E2F3: variants seen among roughly 807,000 people sequenced by gnomAD.
The protein encoded by E2F3 is E2F transcription factor 3, also known as transcription factor E2F3.
In E2F3, 11 loss-of-function variants were observed where a neutral mutation model predicts 44.4. The ratio of observed to expected loss-of-function variants is 0.25; its 90% CI spans 0.16 to 0.41. E2F3 has a LOEUF of 0.41. Ranked by LOEUF, E2F3 falls within the 10% of genes least tolerant of loss-of-function variation. The probability of loss-of-function intolerance (pLI) is 1.00; values close to 1 mark genes in which losing one functional copy is unlikely to be tolerated. For synonymous variants in E2F3, 249 were observed against 253.0 expected (o/e 0.98, Z 0.15); for missense variants, 487 against 583.6 (o/e 0.83, Z 1.70).
At chr6:20,455,100 C>G (rs1447209188) in intron 1 of E2F3, among the ~76,000 whole-genome samples, 1 of 152,064 alleles carries the variant, frequency 6.6e-6, no homozygotes, top group Non-Finnish European at 1.5e-5. Context: ...ATAAGAGGGA[C>G]CAAATATCAA....
rs1440693722 is a variant in E2F3 at position 20,402,006 on chromosome 6, G to A, written c.-227G>A. ...ACGCCTCCATCCCCGCTTGGGGCCC[G>A]ATATCCGTGCGGCCGGGACCCTCCT... On this transcript the variant is annotated 5_prime_UTR_variant, in exon 1 of 7. Transcript: ENST00000346618. This position sits in a 1 kb window ranked among gnomAD's most constrained non-coding sequence, Gnocchi z 5.6. 2 of 643,412 alleles carry A rather than the reference G, an allele frequency of 3.1e-6. No individual in the cohort carries two copies. Among genetic ancestry groups the A allele is most frequent in the Non-Finnish European group, 4.5e-6 (2 of 443,828 alleles). The allele number at this position is 643,412 out of a possible 1,614,324, so 39.9% of individuals were successfully genotyped here. A position where few individuals can be genotyped will look rare whatever the true frequency, so the allele number is the denominator to read the frequency against.
intron 1 of E2F3, among the ~76,000 whole-genome samples, chr6:20,406,566 T>G (rs992853633): frequency 2.6e-5 from 4 of 152,170 alleles, no homozygotes; most frequent in Non-Finnish European, 5.9e-5. Context: ...CTTTTAAATA[T>G]ATAAAACATG....
At chr6:20,447,359 A>G (rs1440351883) in intron 1 of E2F3, among the ~76,000 whole-genome samples, 1 of 151,772 alleles carries the variant, frequency 6.6e-6, no homozygotes, top group Non-Finnish European at 1.5e-5. Flanking sequence ...AGAGAGAGAA[A>G]GAGAAAGAGA....
Position 20,476,263 on chromosome 6 carries a change from C to G in E2F3, c.394-3583C>G, listed in dbSNP as rs777404715. Among the ~76,000 whole-genome samples the G allele has an allele frequency of 2.6e-5, 4 of 151,858 alleles. No individual in the cohort carries two copies. The East Asian group carries it at 5.8e-4, about 22-fold the overall frequency. ...GCGGACGCCTGTAGTCCCAGCTACT[C>G]GAGAGGCTGAGGCAGGAGAATGGCA... is the stretch of plus-strand genomic sequence containing the variant. On this transcript the variant is annotated intron_variant, in intron 1 of 6. Coordinates refer to ENST00000346618, the MANE Select transcript of E2F3 (RefSeq NM_001949.5).
intron 1 of E2F3, among the ~76,000 whole-genome samples, chr6:20,477,160 T>TG (rs550751517): frequency 8.3e-4 from 127 of 152,100 alleles, no homozygotes; most frequent in African/African-American, 2.2e-3. Context: ...ATTTTAGTGA[T>TG]GGGGGGTCTT....
intron 1 of E2F3, among the ~76,000 whole-genome samples, chr6:20,448,834 T>C (rs1476239993): frequency 6.6e-6 from 1 of 152,232 alleles, no homozygotes; most frequent in Non-Finnish European, 1.5e-5. Flanking sequence ...ATGGCAAACA[T>C]CTGAGCTTTA....
intron 1 of E2F3, among the ~76,000 whole-genome samples, chr6:20,466,124 G>T (rs1251930178): frequency 6.6e-6 from 1 of 151,900 alleles, no homozygotes; most frequent in South Asian, 2.1e-4. Flanking sequence ...GTGCGGGGCG[G>T]GGGGTGTGGG....
chr6:20,423,122 G>A (rs1760082552), intron 1 of E2F3, among the ~76,000 whole-genome samples: 1 of 152,054 alleles, frequency 6.6e-6, no homozygotes, highest in Non-Finnish European at 1.5e-5. Context: ...TGTTTATTTA[G>A]TTTTTATAAT....
chr6:20,402,410 A>G lies in E2F3; in HGVS notation c.178A>G (p.Ile60Val). 6.2e-7 allele frequency: 1 copy of G among 1,609,242 alleles called. No individual in the cohort carries two copies. The highest frequency in any genetic ancestry group is 8.5e-7 in the Non-Finnish European group (1 of 1,178,804). The change falls in exon 1 of 7, where the codon ATC (isoleucine) becomes GTC (valine). Residue 60 changes from isoleucine to valine, a missense_variant. Physicochemically the swap from Ile to Val is conservative, Grantham distance 29. This residue lies in a region of E2F3 where 238 missense variants were observed against 236.0 expected (regional missense o/e 1.01). Transcript: ENST00000346618. The surrounding 1 kb of genome is among the most constrained non-coding windows in gnomAD (Gnocchi z 5.6). The stretch of plus-strand genomic sequence containing the variant: ...CGCCGCCCCGGGCGCGTACATCCAG[A>G]TCCTCACCACGAACACTTCCACCAC... ...AAAAPGAYIQILTTNTSTTSC... is the reference protein window; with the variant it reads ...AAAAPGAYIQVLTTNTSTTSC...
chr6:20,402,416 A>T lies in E2F3; in HGVS notation c.184A>T (p.Thr62Ser), dbSNP rs1319972916. Residue 62 changes from threonine (T) to serine (S), a missense_variant, in exon 1 of 7, where the codon ACC becomes TCC. Thr to Ser is a moderately conservative substitution (Grantham distance 58, BLOSUM62 1). This residue lies in a region of E2F3 where 238 missense variants were observed against 236.0 expected (regional missense o/e 1.01). Coordinates refer to ENST00000346618, the MANE Select transcript of E2F3 (RefSeq NM_001949.5). This position sits in a 1 kb window ranked among gnomAD's most constrained non-coding sequence, Gnocchi z 5.6. ...CCCGGGCGCGTACATCCAGATCCTC[A>T]CCACGAACACTTCCACCACCTCCTG... The part of the protein sequence containing the change: ...AAPGAYIQIL[T>S]TNTSTTSCSS... 2 of 1,610,244 alleles carry T rather than the reference A, an allele frequency of 1.2e-6. No individual in the cohort carries two copies. Among genetic ancestry groups the T allele is most frequent in the Admixed American group, 1.7e-5 (1 of 59,822 alleles).
chr6:20,407,355 A>G (rs2127583727), intron 1 of E2F3, among the ~76,000 whole-genome samples: 1 of 152,346 alleles, frequency 6.6e-6, no homozygotes, highest in Non-Finnish European at 1.5e-5. Context: ...GCACCCTTAA[A>G]TATGGCACTG....
chr6:20,477,105 C>A (rs1403334758), intron 1 of E2F3, among the ~76,000 whole-genome samples: 1 of 152,090 alleles, frequency 6.6e-6, no homozygotes, highest in African/African-American at 2.4e-5. Context: ...TCTTTTGACT[C>A]CCCTAAACTT....
chr6:20,481,054 A>T (rs1762206668), intron 2 of E2F3, 152 bp from the exon 3 acceptor site: 1 of 693,774 alleles, frequency 1.4e-6, no homozygotes, highest in East Asian at 2.7e-5. Context: ...GCTTTCTATG[A>T]CTTGCCAACA....
intron 1 of E2F3, among the ~76,000 whole-genome samples, chr6:20,427,583 C>T (rs1458182003): frequency 6.6e-6 from 1 of 152,138 alleles, no homozygotes; most frequent in Non-Finnish European, 1.5e-5. Context: ...TGACTGTCCA[C>T]TAAGCCACAG....
chr6:20,459,740 C>T (rs1362678873), intron 1 of E2F3, among the ~76,000 whole-genome samples: 1 of 152,094 alleles, frequency 6.6e-6, no homozygotes, highest in Non-Finnish European at 1.5e-5. Context: ...TCCAGGAGTT[C>T]GAGACCAGCC....
chr6:20,403,705 AC>A (rs1321865882), intron 1 of E2F3: 40 of 378,864 alleles, frequency 1.1e-4, no homozygotes, highest in Non-Finnish European at 1.5e-4. Context: ...TCCTCTCCCC[AC>A]CCCCCCACCG....
At position 20,444,211 on chromosome 6, in the gene E2F3, G is replaced by A. The variant is rs569148907; in HGVS notation, c.394-35635G>A. On this transcript the variant is annotated intron_variant, in intron 1 of 6. Transcript: ENST00000346618. The stretch of plus-strand genomic sequence containing the variant: ...CTTGAAAAATAAATATAAAATAATA[G>A]AATGCTCTTCCCAGCTAGATTGTAA... Among the ~76,000 whole-genome samples, 25 of 152,292 alleles carry A rather than the reference G, an allele frequency of 1.6e-4. No individual in the cohort carries two copies. In the South Asian group the frequency reaches 5.0e-3, roughly 30 times the overall value.
chr6:20,431,384 G>A lies in E2F3; in HGVS notation c.393+28759G>A, dbSNP rs911339059. Among the ~76,000 whole-genome samples, 7 of 152,278 alleles carry A rather than the reference G, an allele frequency of 4.6e-5. No homozygotes were observed. In the South Asian group the frequency reaches 1.5e-3, roughly 32 times the overall value. On this transcript the variant is annotated intron_variant, in intron 1 of 6. Transcript: ENST00000346618. ...CGTCTGCTCCCACCTCGCATCCCAT[G>A]GCCCAGTGTCCCGTGAGCTGAGATT...
intron 2 of E2F3, among the ~76,000 whole-genome samples, chr6:20,480,872 C>T (rs1762201011): frequency 6.6e-6 from 1 of 152,174 alleles, no homozygotes; most frequent in Admixed American, 6.5e-5. Flanking sequence ...CCACAGCACT[C>T]TTTCATTCAT....
Sources: gnomAD v4.1 joint callset for allele counts (sites outside exome capture counted in the v4.1 genomes callset) on GRCh38, gnomAD v4.1.1 for gene constraint, gnomAD v4.1.1 regional missense constraint, Gnocchi (gnomAD v3.1) non-coding constraint, MANE v1.5 for transcripts, NCBI Gene and HGNC (gene_info 2026-07-23, HGNC 2026-07-21) for gene names.